ADGRL2: variants seen among roughly 807,000 people sequenced by gnomAD.
The protein encoded by ADGRL2 is calcium-independent alpha-latrotoxin receptor 2.
Under a neutral mutation model 157.4 loss-of-function variants are expected in ADGRL2, and 44 were observed. The observed-to-expected ratio is 0.28, with a 90% CI of 0.22 to 0.36. The LOEUF is 0.36. Ranked by LOEUF, ADGRL2 falls within the 10% of genes least tolerant of loss-of-function variation. The pLI, the probability that ADGRL2 is intolerant of heterozygous loss-of-function variation, is 1.00. For synonymous variants in ADGRL2, 585 were observed against 624.7 expected, an observed-to-expected ratio of 0.94 and a Z score of 0.95; for missense variants, 1,510 against 1,768.9, an observed-to-expected ratio of 0.85 and a Z score of 2.63.
chr1:81,958,176 G>A (rs1372303203), intron 11 of ADGRL2, among the ~76,000 whole-genome samples: 1 of 151,890 alleles, frequency 6.6e-6, no homozygotes, highest in South Asian at 2.1e-4. Flanking sequence ...AGAATCCCTC[G>A]AACCTGGGAG....
intron 1 of ADGRL2, among the ~76,000 whole-genome samples, chr1:81,701,293 T>C (rs1281022376): frequency 1.3e-5 from 2 of 152,230 alleles, no homozygotes; most frequent in Non-Finnish European, 2.9e-5. Flanking sequence ...GTCTGGGATA[T>C]TTCTATTTGA....
intron 2 of ADGRL2, among the ~76,000 whole-genome samples, chr1:81,540,223 A>C (rs1190922334): frequency 1.3e-5 from 2 of 152,232 alleles, no homozygotes; most frequent in East Asian, 3.8e-4. Flanking sequence ...AAAATTTTGC[A>C]ATCTGTTCAT....
At chr1:81,648,191 T>C (rs2082349060) in intron 3 of ADGRL2, among the ~76,000 whole-genome samples, 1 of 152,238 alleles carries the variant, frequency 6.6e-6, no homozygotes, top group African/African-American at 2.4e-5. Flanking sequence ...CAAGAGGCTA[T>C]GGCTGTTAAC....
Position 81,943,502 on chromosome 1 carries a change from G to T in ADGRL2, c.943G>T (p.Ala315Ser), listed in dbSNP as rs1003335830. Residue 315 changes from alanine (A) to serine (S), a missense_variant, in exon 6 of 24, where the codon GCA (alanine) becomes TCA (serine). Transcript: ENST00000686636. This position sits in a 1 kb window ranked among gnomAD's most constrained non-coding sequence, Gnocchi z 5.6. ...TWETVYDKRA[A>S]SNAFMICGVL... ...GGAGACTGTATACGACAAACGTGCC[G>T]CATCAAATGCTTTTATGATATGCGG... 4 of 1,613,730 alleles carry T rather than the reference G, an allele frequency of 2.5e-6. No individual in the cohort carries two copies. Among genetic ancestry groups the T allele is most frequent in the Non-Finnish European group, 3.4e-6 (4 of 1,179,766 alleles).
At chr1:81,793,806 GGAGA>G (rs1290525140) in intron 2 of ADGRL2, among the ~76,000 whole-genome samples, 1 of 151,924 alleles carries the variant, frequency 6.6e-6, no homozygotes, top group Non-Finnish European at 1.5e-5. Flanking sequence ...ACAGGGCATT[GGAGA>G]GAAAGTAAAT....
In ADGRL2 at chr1:81,904,578, A is replaced by C. The variant is rs547612920; in HGVS notation, c.74-2439A>C. ...GTGGAAGGACAAGGGAATGCAAAAA[A>C]CTAATTAATTCCTTTGAGAACTAAC... On this transcript the variant is annotated intron_variant, in intron 2 of 23. Transcript: ENST00000686636. Among the ~76,000 whole-genome samples the C allele has an allele frequency of 3.9e-5, 6 of 152,300 alleles. No homozygotes were observed. In the East Asian group the frequency reaches 1.2e-3, roughly 29 times the overall value.
intron 1 of ADGRL2, among the ~76,000 whole-genome samples, chr1:81,732,291 A>G (rs907532762): frequency 1.3e-5 from 2 of 152,250 alleles, no homozygotes; most frequent in African/African-American, 4.8e-5. Context: ...GAAATACATC[A>G]GCTACATATC....
At chr1:81,575,740 T>G (rs2080785917) in intron 2 of ADGRL2, among the ~76,000 whole-genome samples, 1 of 152,116 alleles carries the variant, frequency 6.6e-6, no homozygotes, top group Non-Finnish European at 1.5e-5. Flanking sequence ...TATAATATAA[T>G]TAATATAAGA....
intron 1 of ADGRL2, among the ~76,000 whole-genome samples, chr1:81,405,667 A>G (rs1005639213): frequency 2.0e-5 from 3 of 151,608 alleles, no homozygotes; most frequent in Non-Finnish European, 4.4e-5. Flanking sequence ...GAAAAATACT[A>G]TTTCATATAT....
intron 2 of ADGRL2, among the ~76,000 whole-genome samples, chr1:81,497,944 T>C (rs577211247): frequency 2.4e-4 from 37 of 152,336 alleles, no homozygotes; most frequent in East Asian, 1.2e-3. Context: ...CAGTGGCTCA[T>C]GCCTGTAATC....
chr1:81,964,196 A>G (rs1284084325), intron 11 of ADGRL2, among the ~76,000 whole-genome samples: 3 of 152,100 alleles, frequency 2.0e-5, no homozygotes, highest in African/African-American at 7.2e-5. Flanking sequence ...TAATGAAATT[A>G]AAGTTTGATA....
chr1:81,677,847 A>G (rs1481777890), intron 3 of ADGRL2, among the ~76,000 whole-genome samples: 2 of 152,212 alleles, frequency 1.3e-5, no homozygotes, highest in African/African-American at 4.8e-5. Context: ...CATAAAACAG[A>G]ATTTAATCTC....
chr1:81,320,228 G>T (rs1660410015), intron 1 of ADGRL2, among the ~76,000 whole-genome samples: 1 of 152,160 alleles, frequency 6.6e-6, no homozygotes, highest in South Asian at 2.1e-4. Flanking sequence ...TCAGGCTCCA[G>T]TTAGTTCAAT....
rs116588565 is a variant in ADGRL2 at position 81,369,544 on chromosome 1, C to T, written c.-302+63035C>T. 4.5e-3 allele frequency among the ~76,000 whole-genome samples: 686 copies of T among 152,260 alleles called. 5 individuals are homozygous for T. Among genetic ancestry groups the T allele is most frequent in the Non-Finnish European group, 7.1e-3 (486 of 68,004 alleles). ...TCTACTTCTGGCAAAATGCATGCCT[C>T]TCTATATGGGGTCTATTGTTCTGCT... is the stretch of plus-strand genomic sequence containing the variant. On this transcript the variant is annotated intron_variant, in intron 1 of 24. Coordinates refer to the ADGRL2 transcript ENST00000370721.
intron 2 of ADGRL2, among the ~76,000 whole-genome samples, chr1:81,467,847 A>G (rs912251026): frequency 1.4e-5 from 2 of 146,826 alleles, no homozygotes; most frequent in African/African-American, 5.0e-5. Context: ...ATATGTAAGA[A>G]AAGGAATTAA....
chr1:81,990,023 T>C, intron 23 of ADGRL2: 1 of 984,786 alleles, frequency 1.0e-6, no homozygotes, highest in Non-Finnish European at 1.2e-6. Context: ...TCTTGTACTT[T>C]AAAATGTAAA....
chr1:81,651,966 C>T (rs2082431179), intron 3 of ADGRL2, among the ~76,000 whole-genome samples: 1 of 152,124 alleles, frequency 6.6e-6, no homozygotes, highest in African/African-American at 2.4e-5. Context: ...CTCGGCCTCC[C>T]AAAGTGTGAG....
intron 1 of ADGRL2, among the ~76,000 whole-genome samples, chr1:81,701,259 C>T (rs80264895): frequency 6.6e-6 from 1 of 152,174 alleles, no homozygotes; most frequent in Non-Finnish European, 1.5e-5. Context: ...TACTAGAACA[C>T]TGATTTATAA....
intron 1 of ADGRL2, among the ~76,000 whole-genome samples, chr1:81,803,707 A>G (rs916481439): frequency 6.6e-6 from 1 of 151,884 alleles, no homozygotes; most frequent in African/African-American, 2.4e-5. Flanking sequence ...GCTACCAACC[A>G]TATGGTTCCC....
Sources: gnomAD v4.1 joint callset for allele counts (sites outside exome capture counted in the v4.1 genomes callset) on GRCh38, gnomAD v4.1.1 for gene constraint, Gnocchi (gnomAD v3.1) non-coding constraint, MANE v1.5 for transcripts, NCBI Gene and HGNC (gene_info 2026-07-23, HGNC 2026-07-21) for gene names.